GFRA2: variants seen among roughly 807,000 people sequenced by gnomAD.
GFRA2 encodes GDNF family receptor alpha-2.
In GFRA2, 17 loss-of-function variants were observed where a neutral mutation model predicts 48.3. The ratio of observed to expected loss-of-function variants is 0.35; its 90% CI spans 0.24 to 0.53. The LOEUF is 0.53. Ranked by LOEUF, GFRA2 falls within the 20% of genes least tolerant of loss-of-function variation. GFRA2 has a pLI of 0.93. For synonymous variants in GFRA2, 305 were observed against 257.2 expected (o/e 1.19, Z -1.78); for missense variants, 660 against 637.3 (o/e 1.04, Z -0.38).
intron 4 of GFRA2, among the ~76,000 whole-genome samples, chr8:21,743,265 C>G (rs1804843453): frequency 6.6e-6 from 1 of 152,154 alleles, no homozygotes; most frequent in South Asian, 2.1e-4. Context: ...CTCCTCTGCA[C>G]AGCTTTGCTC....
At chr8:21,735,991 A>G (rs910061367) in intron 4 of GFRA2, among the ~76,000 whole-genome samples, 1 of 152,222 alleles carries the variant, frequency 6.6e-6, no homozygotes, top group Non-Finnish European at 1.5e-5. Flanking sequence ...ACTGCCCAGA[A>G]ACACTCCCCA....
intron 1 of GFRA2, among the ~76,000 whole-genome samples, chr8:21,808,587 C>T (rs527502043): frequency 3.2e-4 from 48 of 152,310 alleles, no homozygotes; most frequent in African/African-American, 1.1e-3. Flanking sequence ...GAGCCTCCAG[C>T]GCAGGTCCAG....
chr8:21,764,365 C>T (rs376979079), intron 3 of GFRA2, among the ~76,000 whole-genome samples: 28 of 152,328 alleles, frequency 1.8e-4, no homozygotes, highest in African/African-American at 6.5e-4. Flanking sequence ...AAGGGCTCCA[C>T]TCTCATGTCC....
At chr8:21,796,706 C>A (rs1476021216) in intron 2 of GFRA2, among the ~76,000 whole-genome samples, 1 of 152,236 alleles carries the variant, frequency 6.6e-6, no homozygotes, top group Non-Finnish European at 1.5e-5. Context: ...TCCTTCCCCC[C>A]ACTGTCCCCA....
In GFRA2 at chr8:21,764,087, G is replaced by C. The variant is rs1806040934; in HGVS notation, c.439+10885C>G. Among the ~76,000 whole-genome samples, 3 of 151,902 alleles carry C rather than the reference G, an allele frequency of 2.0e-5. No homozygotes were observed. In the South Asian group the frequency reaches 6.2e-4, roughly 32 times the overall value. On this transcript the variant is annotated intron_variant, in intron 3 of 8. Coordinates refer to ENST00000524240, the MANE Select transcript of GFRA2 (RefSeq NM_001495.5). ...AAGCAGCCATTTCTCACCTTCCCCTGTTTAAGCTGATTACCTTGTGTCTTG... is the reference window on the plus strand; with the variant it reads ...AAGCAGCCATTTCTCACCTTCCCCTCTTTAAGCTGATTACCTTGTGTCTTG...
intron 1 of GFRA2, 71 bp from the exon 2 acceptor site, chr8:21,782,970 GGGGCTTGGGCCC>G: frequency 7.0e-7 from 1 of 1,420,104 alleles, no homozygotes; most frequent in East Asian, 2.5e-5. Context: ...TGCAGGCCTG[GGGGCTTGGGCCC>G]TGCTGGGAAC....
chr8:21,721,510 C>T (rs771762406), intron 4 of GFRA2, among the ~76,000 whole-genome samples: 45 of 152,144 alleles, frequency 3.0e-4, no homozygotes, highest in Non-Finnish European at 4.7e-4. Flanking sequence ...AAGTCAGAGA[C>T]GAGGAGGAGG....
chr8:21,750,743 G>T lies in GFRA2; in HGVS notation c.639C>A (p.Ser213Arg). 6.2e-7 allele frequency: 1 copy of T among 1,613,996 alleles called. No homozygotes were observed. The highest frequency in any genetic ancestry group is 8.5e-7 in the Non-Finnish European group (1 of 1,179,878). The change falls in exon 4 of 9, where the codon AGC becomes AGA. Residue 213 changes from serine (S) to arginine (R), a missense_variant. Coordinates refer to ENST00000524240, the MANE Select transcript of GFRA2 (RefSeq NM_001495.5). The surrounding 1 kb of genome is among the most constrained non-coding windows in gnomAD (Gnocchi z 5.7). ...AGAAGAGCATGCGGTAGGTGTACTCGCTGGGCACCCGGTCGAAGAACTGGC... is the reference window on the plus strand; with the variant it reads ...AGAAGAGCATGCGGTAGGTGTACTCTCTGGGCACCCGGTCGAAGAACTGGC... ...ALRQFFDRVP[S>R]EYTYRMLFCS...
intron 4 of GFRA2, among the ~76,000 whole-genome samples, chr8:21,731,583 A>C (rs1314075648): frequency 1.3e-5 from 2 of 152,186 alleles, no homozygotes; most frequent in East Asian, 3.8e-4. Context: ...GACAGTATAA[A>C]GTTTGTTCAT....
intron 3 of GFRA2, among the ~76,000 whole-genome samples, chr8:21,772,497 G>A (rs1806484975): frequency 6.6e-6 from 1 of 152,112 alleles, no homozygotes; most frequent in Non-Finnish European, 1.5e-5. Context: ...TGGTAGCAGG[G>A]CCGGGGCCTC....
chr8:21,751,416 T>C (rs1245144304), intron 3 of GFRA2, among the ~76,000 whole-genome samples: 2 of 152,162 alleles, frequency 1.3e-5, no homozygotes, highest in African/African-American at 4.8e-5. Context: ...AGCACACACA[T>C]GCCCTCCTGA....
chr8:21,784,453 C>T (rs1807167418), intron 1 of GFRA2: 1 of 412,374 alleles, frequency 2.4e-6, no homozygotes, highest in Admixed American at 2.5e-5. Context: ...CATCCCTACC[C>T]AGAACAGCCA....
intron 4 of GFRA2, among the ~76,000 whole-genome samples, chr8:21,709,520 G>A (rs1448443719): frequency 6.6e-6 from 1 of 152,220 alleles, no homozygotes; most frequent in Non-Finnish European, 1.5e-5. Flanking sequence ...GTGGCTAACA[G>A]ACAAAAGATG....
At chr8:21,698,328 AAAG>A (rs943720538) in intron 7 of GFRA2, among the ~76,000 whole-genome samples, 15 of 152,200 alleles carry the variant, frequency 9.9e-5, no homozygotes, top group African/African-American at 1.7e-4. Context: ...AAGGACGCAG[AAAG>A]AAGAAGGACA....
At position 21,708,576 on chromosome 8, in the gene GFRA2, T is replaced by C. The variant is rs141888946; in HGVS notation, c.795-2535A>G. On this transcript the variant is annotated intron_variant, in intron 4 of 8. Transcript: ENST00000524240. Reference sequence around the variant, plus strand: ...AACATGATCTTATTTGGAAATAAGATCTTTGCAGATGTAATCAAGTTAAGA... The same window carrying C: ...AACATGATCTTATTTGGAAATAAGACCTTTGCAGATGTAATCAAGTTAAGA... 5.0e-3 allele frequency among the ~76,000 whole-genome samples: 755 copies of C among 152,250 alleles called. 4 individuals carry two copies. The highest frequency in any genetic ancestry group is 0.017 in the African/African-American group (689 of 41,538).
intron 4 of GFRA2, among the ~76,000 whole-genome samples, chr8:21,742,526 C>T (rs1295187206): frequency 6.6e-6 from 1 of 152,160 alleles, no homozygotes; most frequent in Non-Finnish European, 1.5e-5. Context: ...TATGATATTC[C>T]GTTACAGCAG....
chr8:21,754,061 T>G (rs183716480), intron 3 of GFRA2, among the ~76,000 whole-genome samples: 12 of 152,368 alleles, frequency 7.9e-5, no homozygotes, highest in African/African-American at 2.4e-4. Flanking sequence ...GAGTCCTTCC[T>G]GACCACCCCA....
intron 1 of GFRA2, chr8:21,784,295 C>G (rs956449570): frequency 8.8e-6 from 4 of 456,116 alleles, no homozygotes; most frequent in African/African-American, 8.0e-5. Flanking sequence ...ATCCTGCCAC[C>G]AGGAAAAGCC....
chr8:21,792,228 C>G (rs955795450), upstream of GFRA2, among the ~76,000 whole-genome samples: 1 of 152,256 alleles, frequency 6.6e-6, no homozygotes. Flanking sequence ...CCCCAACACA[C>G]GCACACATGC....
Sources: gnomAD v4.1 joint callset for allele counts (sites outside exome capture counted in the v4.1 genomes callset) on GRCh38, gnomAD v4.1.1 for gene constraint, Gnocchi (gnomAD v3.1) non-coding constraint, MANE v1.5 for transcripts, NCBI Gene and HGNC (gene_info 2026-07-23, HGNC 2026-07-21) for gene names.